Variants in PLA2G6 observed in about 807,000 individuals in gnomAD.
PLA2G6 encodes the protein 85/88 kDa calcium-independent phospholipase A2.
A neutral mutation model predicts 83.8 loss-of-function variants in PLA2G6; 62 were observed. That is an observed-to-expected ratio of 0.74 (90% CI 0.60 to 0.91). PLA2G6 has a LOEUF of 0.91. Among genes scored for constraint, PLA2G6 ranks in the 40% least tolerant of loss-of-function variants. PLA2G6 has a pLI of 0.00. For missense variants in PLA2G6, 944 were observed against 1,102.0 expected, an observed-to-expected ratio of 0.86 and a Z score of 2.03; for synonymous variants, 417 against 449.8, an observed-to-expected ratio of 0.93 and a Z score of 0.92.
intron 2 of PLA2G6, among the ~76,000 whole-genome samples, chr22:38,158,709 G>GACACA: frequency 6.6e-6 from 1 of 152,098 alleles, no homozygotes; most frequent in East Asian, 1.9e-4. Context: ...TTATATAGGT[G>GACACA]TTCTTGAAAA....
At chr22:38,129,591 T>A in intron 7 of PLA2G6, 29 bp from the exon 8 acceptor site, 1 of 1,550,820 alleles carries the variant, frequency 6.4e-7, no homozygotes, top group Non-Finnish European at 8.9e-7. Context: ...GGATAAGACG[T>A]GCAACTGCCG....
rs1459409811 is a variant in PLA2G6, at chr22:38,126,376, C to A, written c.1422G>T (p.Lys474Asn). ...CCCGATCTCGATCCACTTACGTCCGCTTCTCGTCCCTCATGGAGCCCAGGA... is the reference window on the plus strand; with the variant it reads ...CCCGATCTCGATCCACTTACGTCCGATTCTCGTCCCTCATGGAGCCCAGGA... The part of the protein sequence containing the change: ...AFILGSMRDE[K>N]RTHDHLLCLD... The change falls in exon 10 of 17, where the codon AAG becomes AAT. Residue 474 changes from lysine to asparagine, a missense_variant. Physicochemically the swap from Lys to Asn is moderately conservative, Grantham distance 94. Transcript: ENST00000332509. The A allele has an allele frequency of 3.1e-6, 5 of 1,612,824 alleles. No individual in the cohort carries two copies. The highest frequency in any genetic ancestry group is 4.2e-6 in the Non-Finnish European group (5 of 1,179,034).
chr22:38,174,817 A>C (rs73154423), intron 1 of PLA2G6, among the ~76,000 whole-genome samples: 1 of 152,124 alleles, frequency 6.6e-6, no homozygotes, highest in African/African-American at 2.4e-5. Context: ...GCTGTGATCA[A>C]CGTGAACACA....
chr22:38,120,633 C>G, intron 12 of PLA2G6, 126 bp downstream of exon 12: 1 of 1,158,336 alleles, frequency 8.6e-7, no homozygotes, highest in Non-Finnish European at 1.3e-6. Flanking sequence ...GAAGGGGGTT[C>G]CCTCTGCTCC....
rs1297857610 is a variant in PLA2G6 at position 38,123,703 on chromosome 22, G to C, written c.1428-445C>G. On this transcript the variant is annotated intron_variant, in intron 10 of 16. Coordinates refer to ENST00000332509, the MANE Select transcript of PLA2G6 (RefSeq NM_003560.4). The surrounding 1 kb of genome is among the most constrained non-coding windows in gnomAD (Gnocchi z 4.1). Reference sequence around the variant, plus strand: ...ACAGAGTATCAGGGCCTCCACACAAGGTGGAAGAAGCAGGGGAGGAGGGGG... The same window carrying C: ...ACAGAGTATCAGGGCCTCCACACAACGTGGAAGAAGCAGGGGAGGAGGGGG... Among the ~76,000 whole-genome samples, 14 of 152,100 alleles carry C rather than the reference G, an allele frequency of 9.2e-5. No individual in the cohort carries two copies. Among genetic ancestry groups the C allele is most frequent in the Non-Finnish European group, 2.1e-4 (14 of 68,026 alleles).
Position 38,169,423 on chromosome 22 carries a change from G to A in PLA2G6, c.4C>T (p.Gln2Ter). Residue 2 changes from glutamine (Q) to a stop codon, truncating the protein, a stop_gained, in exon 2 of 17, where the codon CAG (glutamine) becomes TAG (stop). Transcript: ENST00000332509. LOFTEE classifies it high-confidence loss of function. The part of the protein sequence containing the change: M[Q>*]FFGRLVNTFS... ...GTATTGACCAGGCGGCCAAAGAACT[G>A]CATCTTCTGCGGGGCAGGTGGGGAG... 1 of 1,613,884 alleles carries A rather than the reference G, an allele frequency of 6.2e-7. No individual in the cohort carries two copies. The highest frequency in any genetic ancestry group is 8.5e-7 in the Non-Finnish European group (1 of 1,179,800).
At chr22:38,122,113 C>A (rs954756577) in intron 11 of PLA2G6, among the ~76,000 whole-genome samples, 1 of 152,198 alleles carries the variant, frequency 6.6e-6, no homozygotes. Flanking sequence ...TGGCTGAGCC[C>A]CCTGCTCCTG....
At chr22:38,170,815 G>A (rs2090407570) in intron 1 of PLA2G6, among the ~76,000 whole-genome samples, 1 of 152,136 alleles carries the variant, frequency 6.6e-6, no homozygotes, top group Non-Finnish European at 1.5e-5. Context: ...CCTGGGGACA[G>A]AAGGAAGACA....
Position 38,132,863 on chromosome 22 carries a change from G to C in PLA2G6, c.1045C>G (p.His349Asp), listed in dbSNP as rs1219573900. Residue 349 changes from histidine to aspartate, a missense_variant, in exon 7 of 17, where the codon CAC becomes GAC. Physicochemically the swap from His to Asp is moderately conservative, Grantham distance 81. Coordinates refer to ENST00000332509, the MANE Select transcript of PLA2G6 (RefSeq NM_003560.4). The surrounding 1 kb of genome is among the most constrained non-coding windows in gnomAD (Gnocchi z 5.0). ...HGANADARGE[H>D]GNTPLHLAMS... The stretch of plus-strand genomic sequence containing the variant: ...GCCAGGTGCAGCGGGGTGTTGCCGT[G>C]CTCTCCGCGGGCATCCGCGTTGGCC... 1.3e-6 allele frequency: 2 copies of C among 1,551,412 alleles called. No homozygotes were observed. Among genetic ancestry groups the C allele is most frequent in the Non-Finnish European group, 1.7e-6 (2 of 1,149,026 alleles).
intron 10 of PLA2G6, chr22:38,126,157 C>A: frequency 1.6e-6 from 1 of 637,102 alleles, no homozygotes; most frequent in Non-Finnish European, 2.9e-6. Context: ...GCACCCTGGG[C>A]TGGTCTCCAG....
At chr22:38,114,733 C>G (rs907613946) in intron 14 of PLA2G6, among the ~76,000 whole-genome samples, 2 of 152,196 alleles carry the variant, frequency 1.3e-5, no homozygotes, top group Non-Finnish European at 2.9e-5. Flanking sequence ...CCTGGGGCTT[C>G]GGGAAACCAC....
chr22:38,135,533 C>A, intron 5 of PLA2G6: 1 of 185,972 alleles, frequency 5.4e-6, no homozygotes, highest in South Asian at 1.1e-4. Context: ...GACCTGCATG[C>A]TATAGGAAGC....
chr22:38,136,739 G>C (rs2088575090), intron 5 of PLA2G6: 1 of 121,064 alleles, frequency 8.3e-6, no homozygotes, highest in South Asian at 2.7e-4. Flanking sequence ...TCTCAATAAA[G>C]CTTTTTTTTT....
In PLA2G6 at chr22:38,123,257, G is replaced by T. The variant is rs2145722480; in HGVS notation, c.1429C>A (p.His477Asn). The part of the protein sequence containing the change: ...LGSMRDEKRT[H>N]DHLLCLDGGG... ...CCATCCAGGCACAGCAGGTGGTCGTGGCTGCAGTGGGAACAGCAGTGGGAG... is the reference window on the plus strand; with the variant it reads ...CCATCCAGGCACAGCAGGTGGTCGTTGCTGCAGTGGGAACAGCAGTGGGAG... Residue 477 changes from histidine (H) to asparagine (N), a missense_variant and splice_region_variant, in exon 11 of 17, where the codon CAC becomes AAC. Transcript: ENST00000332509. This position sits in a 1 kb window ranked among gnomAD's most constrained non-coding sequence, Gnocchi z 4.1. The T allele has an allele frequency of 6.4e-7, 1 of 1,558,302 alleles. No individual in the cohort carries two copies. Among genetic ancestry groups the T allele is most frequent in the Non-Finnish European group, 8.7e-7 (1 of 1,150,718 alleles).
chr22:38,143,017 A>G, intron 4 of PLA2G6, 88 bp downstream of exon 4: 3 of 1,234,874 alleles, frequency 2.4e-6, no homozygotes, highest in Non-Finnish European at 2.4e-6. Context: ...GAGAGGCCTG[A>G]GAGTGACACC....
At chr22:38,146,779 TTTC>T (rs200110850) in intron 2 of PLA2G6, 10 of 101,264 alleles carry the variant, frequency 9.9e-5, no homozygotes, top group South Asian at 3.9e-4. Context: ...TTTCTTTTCT[TTTC>T]TTTTTTTTTT....
chr22:38,115,199 G>C (rs1418373560), intron 14 of PLA2G6, among the ~76,000 whole-genome samples: 1 of 152,188 alleles, frequency 6.6e-6, no homozygotes, highest in African/African-American at 2.4e-5. Context: ...CTGTGGGACT[G>C]TCTATCCACA....
At position 38,120,408 on chromosome 22, in the gene PLA2G6, G is replaced by A. The variant is rs527520539; in HGVS notation, c.1742+351C>T. On this transcript the variant is annotated intron_variant, in intron 12 of 16. Transcript: ENST00000332509. ...GCAAAAACCCAGCCTCTGCCCAGGT[G>A]GTCTCAGAGAAGGGTGGCCCAGGCT... 2.4e-4 allele frequency among the ~76,000 whole-genome samples: 37 copies of A among 152,390 alleles called. 1 individual carries two copies. Among genetic ancestry groups the A allele is most frequent in the African/African-American group, 8.7e-4 (36 of 41,600 alleles).
At chr22:38,133,701 T>TGG (rs1274211635) in intron 6 of PLA2G6, 7 of 152,688 alleles carry the variant, frequency 4.6e-5, no homozygotes, top group African/African-American at 1.7e-4. Context: ...CCATGAACTC[T>TGG]GGGGCATCCC....
Sources: gnomAD v4.1 joint callset for allele counts (sites outside exome capture counted in the v4.1 genomes callset) on GRCh38, gnomAD v4.1.1 for gene constraint, Gnocchi (gnomAD v3.1) non-coding constraint, MANE v1.5 for transcripts, NCBI Gene and HGNC (gene_info 2026-07-23, HGNC 2026-07-21) for gene names.